The following FAR2 variants were observed in gnomAD, a reference collection of about 807,000 sequenced individuals.
FAR2 encodes the protein fatty acyl-CoA reductase 2.
FAR2 carries 19 observed loss-of-function variants against 56.0 expected under a neutral mutation model. That is an observed-to-expected ratio of 0.34 (90% CI 0.24 to 0.50). FAR2 has a LOEUF of 0.50. FAR2 is among the 20% of genes least tolerant of loss of function. The pLI, the probability that FAR2 is intolerant of heterozygous loss-of-function variation, is 0.98. For missense variants in FAR2, 508 were observed against 642.2 expected (o/e 0.79, Z 2.26); for synonymous variants, 219 against 218.8 (o/e 1.00, Z -0.01).
chr12:29,232,101 G>A (rs980527192), intron 1 of FAR2, among the ~76,000 whole-genome samples: 1 of 152,168 alleles, frequency 6.6e-6, no homozygotes, highest in African/African-American at 2.4e-5. Flanking sequence ...GAGAACAAGT[G>A]CAGTTTCCAA....
intron 1 of FAR2, among the ~76,000 whole-genome samples, chr12:29,247,829 T>C (rs148500476): frequency 6.6e-6 from 1 of 152,372 alleles, no homozygotes; most frequent in African/African-American, 2.4e-5. Flanking sequence ...TTTCATGCCA[T>C]AGTAGTACAA....
intron 2 of FAR2, among the ~76,000 whole-genome samples, chr12:29,276,183 G>A (rs909453807): frequency 2.6e-5 from 4 of 152,164 alleles, no homozygotes; most frequent in African/African-American, 4.8e-5. Flanking sequence ...GAGTCTCTGC[G>A]TCTTTCTCTC....
chr12:29,203,248 C>T (rs950061189), intron 1 of FAR2, among the ~76,000 whole-genome samples: 4 of 152,126 alleles, frequency 2.6e-5, no homozygotes, highest in Non-Finnish European at 5.9e-5. Flanking sequence ...TCTAACAAGC[C>T]AGGACTCTCT....
intron 1 of FAR2, among the ~76,000 whole-genome samples, chr12:29,250,912 T>G (rs1948198355): frequency 1.3e-5 from 2 of 152,188 alleles, no homozygotes; most frequent in Non-Finnish European, 2.9e-5. Flanking sequence ...GTCACTGAAT[T>G]GGAAAACCTA....
Position 29,333,739 on chromosome 12 carries a change from G to C in FAR2, c.1493G>C (p.Ser498Thr), listed in dbSNP as rs201798592. The change falls in exon 12 of 12, where the codon AGC becomes ACC. Residue 498 changes from serine (S) to threonine (T), a missense_variant. Transcript: ENST00000536681. ...MARNVWFFIV[S>T]FCYKFLSYFR... ...CGGAATGTCTGGTTCTTCATTGTAA[G>C]CTTCTGTTATAAATTCCTCTCCTAC... 4 of 1,613,792 alleles carry C rather than the reference G, an allele frequency of 2.5e-6. No individual in the cohort carries two copies. The highest frequency in any genetic ancestry group is 1.7e-5 in the Admixed American group (1 of 60,016).
Position 29,308,073 on chromosome 12 carries a change from C to T in FAR2, c.723+238C>T, listed in dbSNP as rs1420136254. On this transcript the variant is annotated intron_variant, in intron 5 of 11. Coordinates refer to ENST00000536681, the MANE Select transcript of FAR2 (RefSeq NM_001271783.2). The stretch of plus-strand genomic sequence containing the variant: ...GAGTTGGACGGAGAGCTTAAATTAG[C>T]TTCTAACTACTCTAGTCTCAAAATT... 6 of 375,098 alleles carry T rather than the reference C, an allele frequency of 1.6e-5. No individual in the cohort carries two copies. In the East Asian group the frequency reaches 2.5e-4, roughly 16 times the overall value. 23.2% of individuals were successfully genotyped at this position (375,098 alleles called of 1,614,324 possible). A position where few individuals can be genotyped will look rare whatever the true frequency, so the allele number is the denominator to read the frequency against.
intron 1 of FAR2, among the ~76,000 whole-genome samples, chr12:29,248,032 T>A (rs192158502): frequency 1.3e-5 from 2 of 152,328 alleles, no homozygotes; most frequent in Admixed American, 6.5e-5. Context: ...TTCTAATACA[T>A]GTATTGTTAT....
rs1302290970 is a variant in FAR2 at position 29,297,024 on chromosome 12, T to G, written c.369T>G (p.His123Gln). The G allele has an allele frequency of 1.2e-6, 2 of 1,604,826 alleles. No individual in the cohort carries two copies. The highest frequency in any genetic ancestry group is 1.7e-6 in the Non-Finnish European group (2 of 1,176,550). Residue 123 changes from histidine to glutamine, a missense_variant, in exon 4 of 12, where the codon CAT becomes CAG. By Grantham distance (24) the His-to-Gln change is conservative. Transcript: ENST00000536681. ...CCTTCTGCTTAATCTTCTCTAGACA[T>G]GCTGTGCAACTTAACGTCACTGCCA... ...ATVRFDDTLR[H>Q]AVQLNVTATR...
chr12:29,307,392 T>TCTAC (rs1430933957), intron 4 of FAR2, among the ~76,000 whole-genome samples: 2 of 138,378 alleles, frequency 1.4e-5, no homozygotes, highest in African/African-American at 5.3e-5. Context: ...TATCGGTCTA[T>TCTAC]CTACCTACCT....
intron 1 of FAR2, among the ~76,000 whole-genome samples, chr12:29,182,938 C>CTTT (rs11298420): frequency 8.1e-4 from 106 of 130,990 alleles, no homozygotes; most frequent in African/African-American, 2.8e-3. Flanking sequence ...TACTCATTGT[C>CTTT]TTTTTTTTTT....
chr12:29,172,594 A>G (rs573186343), intron 1 of FAR2, among the ~76,000 whole-genome samples: 3 of 152,218 alleles, frequency 2.0e-5, no homozygotes, highest in African/African-American at 7.2e-5. Flanking sequence ...GCCAGGTTTA[A>G]TAATGCCTCC....
chr12:29,229,656 CA>C (rs1224331341), intron 1 of FAR2, among the ~76,000 whole-genome samples: 2 of 152,046 alleles, frequency 1.3e-5, no homozygotes, highest in Admixed American at 1.3e-4. Context: ...CCATGATGAG[CA>C]AAAGCAGATA....
At chr12:29,299,074 G>A (rs1367961459) in intron 4 of FAR2, among the ~76,000 whole-genome samples, 1 of 152,000 alleles carries the variant, frequency 6.6e-6, no homozygotes, top group African/African-American at 2.4e-5. Flanking sequence ...TTAGCTAGGT[G>A]TGGTGGCACA....
At chr12:29,204,165 G>C (rs370906711) in intron 1 of FAR2, among the ~76,000 whole-genome samples, 29 of 152,088 alleles carry the variant, frequency 1.9e-4, no homozygotes, top group East Asian at 9.6e-4. Flanking sequence ...ATAGCAGCAA[G>C]TGGGAAAGAT....
At chr12:29,155,590 A>G (rs1949719622) in intron 1 of FAR2, among the ~76,000 whole-genome samples, 1 of 152,222 alleles carries the variant, frequency 6.6e-6, no homozygotes, top group Admixed American at 6.5e-5. Flanking sequence ...TATTTTTAAA[A>G]CTTAGAAAAA....
At chr12:29,269,343 G>A (rs1948575034) in intron 1 of FAR2, among the ~76,000 whole-genome samples, 1 of 152,154 alleles carries the variant, frequency 6.6e-6, no homozygotes, top group African/African-American at 2.4e-5. Context: ...GTTCCTCCCA[G>A]CTCACTGGCA....
intron 1 of FAR2, among the ~76,000 whole-genome samples, chr12:29,186,795 TTTA>T: frequency 4.6e-5 from 5 of 109,758 alleles, no homozygotes; most frequent in African/African-American, 1.6e-4. Context: ...TATTTATTTA[TTTA>T]TTTATTTTGA....
At chr12:29,185,580 A>G (rs912955714) in intron 1 of FAR2, among the ~76,000 whole-genome samples, 3 of 152,232 alleles carry the variant, frequency 2.0e-5, no homozygotes, top group African/African-American at 7.2e-5. Flanking sequence ...TAAAAAAGCA[A>G]TTTTTATAAA....
chr12:29,199,325 C>T (rs763880478), intron 1 of FAR2, among the ~76,000 whole-genome samples: 2 of 152,262 alleles, frequency 1.3e-5, no homozygotes, highest in South Asian at 2.1e-4. Context: ...CTCAGCCGGG[C>T]GCGGTGGCTC....
Sources: gnomAD v4.1 joint callset for allele counts (sites outside exome capture counted in the v4.1 genomes callset) on GRCh38, gnomAD v4.1.1 for gene constraint, MANE v1.5 for transcripts, NCBI Gene and HGNC (gene_info 2026-07-23, HGNC 2026-07-21) for gene names.